Variants in OASL observed in about 807,000 individuals in gnomAD.
OASL encodes the protein 2'-5'-oligoadenylate synthetase like.
In OASL, 28 loss-of-function variants were observed where a neutral mutation model predicts 35.3. The ratio of observed to expected loss-of-function variants is 0.79; its 90% CI spans 0.59 to 1.09. The LOEUF is 1.09. Ranked by LOEUF, OASL falls within the 50% of genes least tolerant of loss-of-function variation. OASL has a pLI of 0.00. For synonymous variants in OASL, 252 were observed against 254.6 expected (o/e 0.99, Z 0.10); for missense variants, 620 against 635.2 (o/e 0.98, Z 0.26).
At chr12:121,022,237 C>T (rs987210283) in intron 5 of OASL, among the ~76,000 whole-genome samples, 3 of 152,162 alleles carry the variant, frequency 2.0e-5, no homozygotes, top group Admixed American at 2.0e-4. Context: ...CAGGCACATG[C>T]CACCACACCC....
chr12:121,030,379 T>G (rs1869675775), intron 3 of OASL, among the ~76,000 whole-genome samples: 1 of 152,134 alleles, frequency 6.6e-6, no homozygotes, highest in Non-Finnish European at 1.5e-5. Context: ...TATTTTTTTG[T>G]ATTTTTAGTA....
intron 1 of OASL, among the ~76,000 whole-genome samples, chr12:121,036,044 TAG>T (rs749637720): frequency 3.9e-5 from 6 of 152,076 alleles, no homozygotes; most frequent in Non-Finnish European, 7.4e-5. Flanking sequence ...TATATTTTTG[TAG>T]AGTCGGGGGT....
rs1346982592 is a variant in OASL, at chr12:121,027,562, C to A, written c.899+14G>T. On this transcript the variant is annotated intron_variant, in intron 4 of 5. Coordinates refer to ENST00000257570, the Ensembl canonical transcript of OASL. ...TTTTCTGTAAGATTTGGTGGGCAAA[C>A]AGTGGTCCAGTACCTCTCTTTTTTG... 1.2e-6 allele frequency: 2 copies of A among 1,612,512 alleles called. No homozygotes were observed. The highest frequency in any genetic ancestry group is 2.7e-5 in the African/African-American group (2 of 75,004).
At position 121,024,206 on chromosome 12, in the gene OASL, C is replaced by T. The variant is rs191529358; in HGVS notation, c.900-69G>A. On this transcript the variant is annotated intron_variant, in intron 4 of 5. Transcript: ENST00000257570. ...GGCCTTCAAGCCAGAAAAAAACCTT[C>T]TCGGCAATTATTTCGTCCAGCCACT... The T allele has an allele frequency of 3.3e-5, 51 of 1,543,640 alleles. No homozygotes were observed. In the Admixed American group the frequency reaches 4.6e-4, roughly 14 times the overall value.
exon 2 of OASL, chr12:121,033,465 G>A: frequency 6.2e-7 from 1 of 1,606,730 alleles, no homozygotes; most frequent in African/African-American, 1.3e-5. Context: ...CCTTACCCAG[G>A]GCTCTGTAGG....
chr12:121,020,990 A>G (rs745874657), exon 6 of OASL: 3 of 1,613,622 alleles, frequency 1.9e-6, no homozygotes, highest in Non-Finnish European at 2.5e-6. Flanking sequence ...TGGGCTCATA[A>G]GGGTTCACGA....
chr12:121,036,984 G>A (rs1428060245), intron 1 of OASL, among the ~76,000 whole-genome samples: 1 of 152,188 alleles, frequency 6.6e-6, no homozygotes, highest in African/African-American at 2.4e-5. Flanking sequence ...GCTGGTAAAG[G>A]AAGAAGCGAA....
chr12:121,033,829 GA>G, intron 1 of OASL, 86 bp from the exon 2 acceptor site: 11 of 1,416,276 alleles, frequency 7.8e-6, no homozygotes, highest in Non-Finnish European at 1.1e-5. Flanking sequence ...CTGTCTCACT[GA>G]ATGCTCACCA....
chr12:121,036,142 C>T (rs1449013401), intron 1 of OASL, among the ~76,000 whole-genome samples: 2 of 152,144 alleles, frequency 1.3e-5, no homozygotes, highest in East Asian at 1.9e-4. Context: ...GGATTACAGG[C>T]GTGAGCCACT....
At chr12:121,034,762 G>A (rs1420436550) in intron 1 of OASL, among the ~76,000 whole-genome samples, 1 of 152,090 alleles carries the variant, frequency 6.6e-6, no homozygotes, top group Non-Finnish European at 1.5e-5. Context: ...GCTACTGGGA[G>A]GATCAGATGA....
intron 1 of OASL, among the ~76,000 whole-genome samples, chr12:121,036,861 T>A (rs1869977014): frequency 1.3e-5 from 2 of 152,152 alleles, no homozygotes. Flanking sequence ...CATGAATCAT[T>A]CAGCCTGCAT....
exon 6 of OASL, chr12:121,020,894 C>T (rs775133025): frequency 6.2e-7 from 1 of 1,614,172 alleles, no homozygotes; most frequent in East Asian, 2.2e-5. Context: ...TGAGAAGCTG[C>T]CTCTCACTGC....
chr12:121,020,361 C>A, exon 6 of OASL: 1 of 552,500 alleles, frequency 1.8e-6, no homozygotes, highest in Non-Finnish European at 3.2e-6. Flanking sequence ...TCTTGAACTC[C>A]TCGGCTCAAG....
At chr12:121,021,811 A>C (rs1298505984) in intron 5 of OASL, among the ~76,000 whole-genome samples, 1 of 152,234 alleles carries the variant, frequency 6.6e-6, no homozygotes, top group Non-Finnish European at 1.5e-5. Context: ...ACTCTGTCTC[A>C]AAAGGAAAAC....
downstream of OASL, among the ~76,000 whole-genome samples, chr12:121,018,580 C>A (rs1488735214): frequency 2.0e-5 from 3 of 151,778 alleles, no homozygotes; most frequent in African/African-American, 7.3e-5. Flanking sequence ...ATAAAAGAGA[C>A]CCCAGAGGCC....
chr12:121,033,364 GT>G lies in OASL; in HGVS notation c.481+96del, dbSNP rs1384621680. 4 of 1,205,476 alleles carry G rather than the reference GT, an allele frequency of 3.3e-6. No individual in the cohort carries two copies. The African/African-American group carries it at 6.0e-5, about 18-fold the overall frequency. 74.7% of individuals were successfully genotyped at this position (1,205,476 alleles called of 1,614,324 possible). The stretch of plus-strand genomic sequence containing the variant: ...TAGGACACAGATGAAATGAATAAAT[GT>G]GGGTGTGTGCACGTGGCCATGAGTA... On this transcript the variant is annotated intron_variant, in intron 2 of 5. Transcript: ENST00000257570.
intron 5 of OASL, among the ~76,000 whole-genome samples, chr12:121,022,578 G>C (rs1187535142): frequency 6.6e-6 from 1 of 152,206 alleles, no homozygotes; most frequent in Non-Finnish European, 1.5e-5. Context: ...GCCCATGGGT[G>C]GGCCTCCTCA....
At chr12:121,024,404 G>T (rs979996911) in intron 4 of OASL, among the ~76,000 whole-genome samples, 1 of 152,120 alleles carries the variant, frequency 6.6e-6, no homozygotes, top group Non-Finnish European at 1.5e-5. Flanking sequence ...ATCACTTGAG[G>T]TCAGGAGTTC....
At chr12:121,028,145 G>A (rs1437387457) in intron 3 of OASL, among the ~76,000 whole-genome samples, 1 of 152,182 alleles carries the variant, frequency 6.6e-6, no homozygotes, top group African/African-American at 2.4e-5. Context: ...GTATTGAGCT[G>A]CTGAGAAATG....
Sources: allele counts gnomAD v4.1 joint callset (sites outside exome capture counted in the v4.1 genomes callset), GRCh38; gene constraint gnomAD v4.1.1; transcripts MANE v1.5; gene names NCBI Gene and HGNC (gene_info 2026-07-23, HGNC 2026-07-21).